CHST12: variants seen among roughly 807,000 people sequenced by gnomAD.
The protein encoded by CHST12 is carbohydrate sulfotransferase 12.
In CHST12, 23 loss-of-function variants were observed where a neutral mutation model predicts 27.9. The ratio of observed to expected loss-of-function variants is 0.82; its 90% CI spans 0.59 to 1.17. The LOEUF (loss-of-function observed/expected upper bound fraction) is 1.17. Ranked by LOEUF, CHST12 falls within the 50% of genes most tolerant of loss-of-function variation. The probability of loss-of-function intolerance (pLI) is 0.00; values close to 1 mark genes in which losing one functional copy is unlikely to be tolerated. For missense variants in CHST12, 682 were observed against 603.0 expected (o/e 1.13, Z -1.37); for synonymous variants, 322 against 273.0 (o/e 1.18, Z -1.77).
At chr7:2,423,392 C>A (rs1011915224) in intron 1 of CHST12, among the ~76,000 whole-genome samples, 5 of 152,170 alleles carry the variant, frequency 3.3e-5, no homozygotes, top group African/African-American at 1.2e-4. Flanking sequence ...CCTGAACACA[C>A]TGGGAGGGCA....
intron 1 of CHST12, among the ~76,000 whole-genome samples, chr7:2,427,424 C>G (rs1006360803): frequency 6.6e-6 from 1 of 151,078 alleles, no homozygotes; most frequent in African/African-American, 2.4e-5. Flanking sequence ...TCACTTGAGC[C>G]TAGGAGGTCA....
At chr7:2,413,020 G>A (rs1304341237) in intron 1 of CHST12, among the ~76,000 whole-genome samples, 1 of 152,014 alleles carries the variant, frequency 6.6e-6, no homozygotes, top group Non-Finnish European at 1.5e-5. Flanking sequence ...GTAAGGCCGG[G>A]GCAGATTCTA....
chr7:2,420,126 A>ACC (rs1417525024), intron 1 of CHST12, among the ~76,000 whole-genome samples: 6 of 151,914 alleles, frequency 3.9e-5, no homozygotes, highest in Admixed American at 6.6e-5. Context: ...GGCGCCCGTC[A>ACC]GCATGCCCGG....
At chr7:2,404,400 A>G (rs910742174) in intron 1 of CHST12, among the ~76,000 whole-genome samples, 13 of 152,202 alleles carry the variant, frequency 8.5e-5, no homozygotes, top group Middle Eastern at 3.4e-3. Context: ...ACAACAAGCC[A>G]TAGTGTTTCC....
intron 1 of CHST12, among the ~76,000 whole-genome samples, chr7:2,419,936 A>G (rs1184111603): frequency 3.4e-5 from 5 of 147,216 alleles, no homozygotes; most frequent in Non-Finnish European, 7.5e-5. Flanking sequence ...TGCCCTGGGA[A>G]CCTCATACAA....
rs921666372 is a variant in CHST12, at chr7:2,445,034, G to A, written c.*11150G>A. 6.6e-6 allele frequency: 1 copy of A among 152,194 alleles called. No individual in the cohort carries two copies. The highest frequency in any genetic ancestry group is 1.5e-5 in the Non-Finnish European group (1 of 68,036). 9.4% of individuals were successfully genotyped at this position (152,194 alleles called of 1,614,324 possible). ...CAGAATATTTTGGTTTCAAAATTTG[G>A]GGGCACAGATTTGCAAAGTGGATTT... is the stretch of plus-strand genomic sequence containing the variant. On this transcript the variant is annotated 3_prime_UTR_variant, in exon 2 of 2. Coordinates refer to ENST00000618655, the MANE Select transcript of CHST12 (RefSeq NM_018641.5).
rs747166431 is a variant in CHST12 at position 2,436,849 on chromosome 7, AC to A, written c.*2968del. 1.2e-4 allele frequency: 19 copies of A among 152,048 alleles called. No homozygotes were observed. Among genetic ancestry groups the A allele is most frequent in the Non-Finnish European group, 2.6e-4 (18 of 68,024 alleles). The allele number at this position is 152,048 out of a possible 1,614,324, so 9.4% of individuals were successfully genotyped here. A position where few individuals can be genotyped will look rare whatever the true frequency, so the allele number is the denominator to read the frequency against. On this transcript the variant is annotated 3_prime_UTR_variant, in exon 2 of 2. Transcript: ENST00000618655. ...TGGAGGGGTTCCTGCAGAAGACACCACCCACATCCACGCACCTGCTCAGATT... is the reference window on the plus strand; with the variant it reads ...TGGAGGGGTTCCTGCAGAAGACACCACCACATCCACGCACCTGCTCAGATT...
At chr7:2,408,034 T>C (rs1781566571) in intron 1 of CHST12, among the ~76,000 whole-genome samples, 1 of 152,088 alleles carries the variant, frequency 6.6e-6, no homozygotes, top group African/African-American at 2.4e-5. Context: ...AAGGATTTAT[T>C]TGAAAGCATG....
intron 1 of CHST12, among the ~76,000 whole-genome samples, chr7:2,429,127 G>A (rs996201000): frequency 3.9e-5 from 6 of 152,172 alleles, no homozygotes; most frequent in South Asian, 2.1e-4. Flanking sequence ...AGCATATCAC[G>A]TGCTGTTGGC....
intron 1 of CHST12, among the ~76,000 whole-genome samples, chr7:2,420,073 A>G (rs1214500600): frequency 7.4e-6 from 1 of 135,478 alleles, no homozygotes; most frequent in Non-Finnish European, 1.5e-5. Flanking sequence ...TCCCGGGTTC[A>G]TGCCATTCTC....
chr7:2,409,107 G>T (rs1781598573), intron 1 of CHST12, among the ~76,000 whole-genome samples: 1 of 152,178 alleles, frequency 6.6e-6, no homozygotes, highest in African/African-American at 2.4e-5. Flanking sequence ...TGTACTACAA[G>T]GCGCAGCTGT....
At chr7:2,415,521 C>T (rs1036753597) in intron 1 of CHST12, among the ~76,000 whole-genome samples, 17 of 152,088 alleles carry the variant, frequency 1.1e-4, no homozygotes, top group Admixed American at 9.8e-4. Flanking sequence ...AATCTTTTTG[C>T]TGGTGGAGGG....
At position 2,433,616 on chromosome 7, in the gene CHST12, A is replaced by G. The variant is rs149036634; in HGVS notation, c.977A>G (p.Tyr326Cys). Reference sequence around the variant, plus strand: ...TTCAACGAGCACTGGCGGCAGGTGTACCGCCTCTGCCACCCGTGCCAGATC... The same window carrying G: ...TTCAACGAGCACTGGCGGCAGGTGTGCCGCCTCTGCCACCCGTGCCAGATC... The part of the protein sequence containing the change: ...APFNEHWRQV[Y>C]RLCHPCQIDY... The change falls in exon 2 of 2, where the codon TAC becomes TGC. Residue 326 changes from tyrosine (Y) to cysteine (C), a missense_variant. Physicochemically the swap from Tyr to Cys is radical, Grantham distance 194. Coordinates refer to ENST00000618655, the MANE Select transcript of CHST12 (RefSeq NM_018641.5). The surrounding 1 kb of genome is among the most constrained non-coding windows in gnomAD (Gnocchi z 6.1). The G allele has an allele frequency of 6.2e-7, 1 of 1,613,024 alleles. No individual in the cohort carries two copies. The highest frequency in any genetic ancestry group is 1.3e-5 in the African/African-American group (1 of 74,920).
chr7:2,404,518 C>A (rs1400642137), intron 1 of CHST12, among the ~76,000 whole-genome samples: 1 of 152,234 alleles, frequency 6.6e-6, no homozygotes, highest in African/African-American at 2.4e-5. Flanking sequence ...GTACATCTTC[C>A]AGGACACCAG....
At chr7:2,411,830 TG>T (rs1331286663) in intron 1 of CHST12, among the ~76,000 whole-genome samples, 3 of 152,250 alleles carry the variant, frequency 2.0e-5, no homozygotes, top group African/African-American at 7.2e-5. Context: ...AGTTATCGTT[TG>T]GATTCTAGAG....
intron 1 of CHST12, among the ~76,000 whole-genome samples, chr7:2,409,633 A>G (rs1450163268): frequency 5.3e-5 from 8 of 152,132 alleles, no homozygotes; most frequent in East Asian, 1.9e-4. Context: ...AAGAAAAAAA[A>G]AAAAAAAGAA....
At chr7:2,432,447 T>C (rs535037205) in intron 1 of CHST12, 116 bp from the exon 2 acceptor site, 2 of 635,260 alleles carry the variant, frequency 3.1e-6, no homozygotes, top group Non-Finnish European at 2.7e-6. Flanking sequence ...GGCGAGCTGA[T>C]ATCACGTGGC....
chr7:2,432,675 G>A lies in CHST12; in HGVS notation c.36G>A (p.Val12=). 6.2e-7 allele frequency: 1 copy of A among 1,613,048 alleles called. No individual in the cohort carries two copies. Residue 12 remains valine, a synonymous_variant, in exon 2 of 2, where the codon GTG becomes GTA. Coordinates refer to ENST00000618655, the MANE Select transcript of CHST12 (RefSeq NM_018641.5). The part of the protein sequence containing the change: ...TKARLFRLWL[V]LGSVFMILLI... ...CCCGGCTGTTCCGGCTGTGGCTGGT[G>A]CTGGGGTCGGTGTTCATGATCCTGC... is the stretch of plus-strand genomic sequence containing the variant.
At chr7:2,416,409 G>A (rs528936769) in intron 1 of CHST12, among the ~76,000 whole-genome samples, 6 of 152,270 alleles carry the variant, frequency 3.9e-5, no homozygotes, top group Admixed American at 6.5e-5. Context: ...TGTGAATCCC[G>A]AATGTTCTTA....
Sources: allele counts gnomAD v4.1 joint callset (sites outside exome capture counted in the v4.1 genomes callset), GRCh38; gene constraint gnomAD v4.1.1; non-coding constraint Gnocchi (gnomAD v3.1); transcripts MANE v1.5; gene names NCBI Gene and HGNC (gene_info 2026-07-23, HGNC 2026-07-21).